NT5DC3: variants seen among roughly 807,000 people sequenced by gnomAD.
The protein encoded by NT5DC3 is 5'-nucleotidase domain-containing protein 3.
NT5DC3 carries 42 observed loss-of-function variants against 67.8 expected under a neutral mutation model. That is an observed-to-expected ratio of 0.62 (90% CI 0.48 to 0.80). The LOEUF (loss-of-function observed/expected upper bound fraction) is 0.80. Among genes scored for constraint, NT5DC3 ranks in the 30% least tolerant of loss-of-function variants. The probability of loss-of-function intolerance (pLI) is 0.00; values close to 1 mark genes in which losing one functional copy is unlikely to be tolerated. For synonymous variants in NT5DC3, 237 were observed against 255.6 expected (o/e 0.93, Z 0.69); for missense variants, 570 against 696.4 (o/e 0.82, Z 2.04).
intron 1 of NT5DC3, among the ~76,000 whole-genome samples, chr12:103,839,052 G>A (rs1017781873): frequency 2.0e-5 from 3 of 152,180 alleles, no homozygotes; most frequent in African/African-American, 7.2e-5. Context: ...GTGGATACAT[G>A]AACCTACATG....
chr12:103,818,937 C>G (rs1887379274), intron 1 of NT5DC3, among the ~76,000 whole-genome samples: 2 of 152,222 alleles, frequency 1.3e-5, no homozygotes, highest in South Asian at 4.1e-4. Flanking sequence ...ACAGAATGAG[C>G]AAAAGCTCCA....
intron 1 of NT5DC3, among the ~76,000 whole-genome samples, chr12:103,828,373 T>C (rs1384928501): frequency 6.6e-6 from 1 of 152,214 alleles, no homozygotes; most frequent in Non-Finnish European, 1.5e-5. Context: ...GAGTCTTAGG[T>C]TCTCCTATTT....
chr12:103,781,640 A>C (rs1187521820), intron 12 of NT5DC3, among the ~76,000 whole-genome samples: 1 of 152,002 alleles, frequency 6.6e-6, no homozygotes, highest in Non-Finnish European at 1.5e-5. Context: ...CTGGTGCCCA[A>C]CCCCCTTTCT....
At chr12:103,762,167 A>C in the NT5DC3 span, 1 of 1,460,914 alleles carries the variant, frequency 6.8e-7, no homozygotes, top group Non-Finnish European at 9.3e-7. Flanking sequence ...TTAACATGTC[A>C]GTATTTTTAT....
chr12:103,768,536 AGAGG>A (rs1885087933), downstream of NT5DC3, among the ~76,000 whole-genome samples: 4 of 11,308 alleles, frequency 3.5e-4, no homozygotes, highest in Non-Finnish European at 4.9e-4. Context: ...AGAGAGAGGG[AGAGG>A]GGGAGAGGGA....
chr12:103,762,446 A>C, the NT5DC3 span: 1 of 1,613,672 alleles, frequency 6.2e-7, no homozygotes, highest in Non-Finnish European at 8.5e-7. Context: ...TCCTCTCCAA[A>C]AACCCAGTCC....
chr12:103,821,653 C>T (rs1887495383), intron 1 of NT5DC3, among the ~76,000 whole-genome samples: 1 of 152,168 alleles, frequency 6.6e-6, no homozygotes, highest in Non-Finnish European at 1.5e-5. Flanking sequence ...TGCTAGGAAC[C>T]TGGAAAAGAT....
At position 103,815,081 on chromosome 12, in the gene NT5DC3, A is replaced by G; in HGVS notation, c.249T>C (p.Asp83=). The G allele has an allele frequency of 6.2e-7, 1 of 1,613,646 alleles. No individual in the cohort carries two copies. The highest frequency in any genetic ancestry group is 2.2e-5 in the East Asian group (1 of 44,878). Residue 83 remains aspartate (D), a synonymous_variant, in exon 2 of 14, where the codon GAT becomes GAC. Coordinates refer to ENST00000392876, the MANE Select transcript of NT5DC3 (RefSeq NM_001031701.3). ...TCATTTCATTGTTTGAGAAAATGGC[A>G]TCTGGATTCAACAAGTTGCTCATAA... The part of the protein sequence containing the change: ...PSIMSNLLNP[D]AIFSNNEMSL...
chr12:103,753,344 T>C, the NT5DC3 span: 1 of 1,614,226 alleles, frequency 6.2e-7, no homozygotes, highest in East Asian at 2.2e-5. Context: ...AGCTCTCCTA[T>C]GCCCAGAAGG....
intron 9 of NT5DC3, among the ~76,000 whole-genome samples, chr12:103,792,649 G>C (rs1442328981): frequency 3.3e-5 from 5 of 152,146 alleles, no homozygotes; most frequent in Non-Finnish European, 7.4e-5. Flanking sequence ...AAACTTACCT[G>C]CTTCCCCATT....
chr12:103,755,226 G>C, the NT5DC3 span: 2 of 1,563,398 alleles, frequency 1.3e-6, no homozygotes, highest in Admixed American at 1.7e-5. Flanking sequence ...CCTAATAGGG[G>C]AATCAGACAT....
At chr12:103,759,005 C>A in the NT5DC3 span, 1 of 1,497,388 alleles carries the variant, frequency 6.7e-7, no homozygotes, top group Non-Finnish European at 9.2e-7. Context: ...TTGACATTTC[C>A]TGATCTCCAC....
chr12:103,758,143 C>G, the NT5DC3 span: 6 of 1,613,688 alleles, frequency 3.7e-6, no homozygotes, highest in African/African-American at 5.3e-5. Flanking sequence ...GGGCTGGCCC[C>G]TCTGATGACT....
At chr12:103,759,327 C>T in the NT5DC3 span, 3 of 1,599,008 alleles carry the variant, frequency 1.9e-6, no homozygotes, top group East Asian at 2.2e-5. Context: ...ATGCAAAGTT[C>T]CTGGCATACA....
intron 6 of NT5DC3, among the ~76,000 whole-genome samples, chr12:103,795,538 C>T (rs977412917): frequency 2.6e-5 from 4 of 152,150 alleles, no homozygotes; most frequent in Admixed American, 1.3e-4. Flanking sequence ...TAATACCACA[C>T]TGATATTGAG....
intron 2 of NT5DC3, 65 bp from the exon 3 acceptor site, chr12:103,806,994 C>A: frequency 1.0e-6 from 1 of 957,430 alleles, no homozygotes; most frequent in Non-Finnish European, 1.7e-6. Flanking sequence ...CTGTCCAGAT[C>A]TGGCCCTTGT....
chr12:103,759,066 C>T, the NT5DC3 span: 1 of 1,612,476 alleles, frequency 6.2e-7, no homozygotes, highest in Non-Finnish European at 8.5e-7. Context: ...TCGTCATCCC[C>T]ATCATTAAAA....
chr12:103,814,832 A>G (rs1887178440), intron 2 of NT5DC3, 105 bp downstream of exon 2: 1 of 742,762 alleles, frequency 1.3e-6, no homozygotes, highest in Admixed American at 3.0e-5. Context: ...TTTAGCAACA[A>G]TTTATTAAAT....
intron 1 of NT5DC3, among the ~76,000 whole-genome samples, chr12:103,824,185 A>C (rs1220883738): frequency 6.6e-6 from 1 of 152,254 alleles, no homozygotes; most frequent in Non-Finnish European, 1.5e-5. Context: ...AGTTGAATAG[A>C]AAGTGTGACT....
Sources: allele counts gnomAD v4.1 joint callset (sites outside exome capture counted in the v4.1 genomes callset), GRCh38; gene constraint gnomAD v4.1.1; transcripts MANE v1.5; gene names NCBI Gene and HGNC (gene_info 2026-07-23, HGNC 2026-07-21).